ABCA9: variants seen among roughly 807,000 people sequenced by gnomAD.
ABCA9 encodes the protein ATP-binding cassette sub-family A member 9.
In ABCA9, 183 loss-of-function variants were observed where a neutral mutation model predicts 205.3. The observed-to-expected ratio is 0.89, with a 90% CI of 0.79 to 1.01. The LOEUF (loss-of-function observed/expected upper bound fraction) is 1.01, where lower values mean the gene tolerates loss of function less well. ABCA9 is among the 50% of genes least tolerant of loss of function. ABCA9 has a pLI of 0.00. For missense variants in ABCA9, 1,805 were observed against 1,912.4 expected, an observed-to-expected ratio of 0.94 and a Z score of 1.05; for synonymous variants, 651 against 683.3, an observed-to-expected ratio of 0.95 and a Z score of 0.74.
intron 3 of ABCA9, among the ~76,000 whole-genome samples, chr17:69,047,252 A>G (rs2071749089): frequency 1.3e-5 from 2 of 150,776 alleles, no homozygotes; most frequent in Admixed American, 6.7e-5. Context: ...AGCCTATACA[A>G]TATTTTAAAT....
Position 69,018,073 on chromosome 17 carries a change from A to G in ABCA9, c.2768-284T>C, listed in dbSNP as rs545004087. On this transcript the variant is annotated intron_variant, in intron 20 of 38. Transcript: ENST00000340001. The stretch of plus-strand genomic sequence containing the variant: ...CCTTGAAGCTATTAATAGTCTATCT[A>G]TCTTTTTAAATTTGAAACATTTTTT... The G allele has an allele frequency of 4.5e-5, 17 of 380,514 alleles. No homozygotes were observed. The South Asian group carries it at 1.0e-3, about 23-fold the overall frequency. 23.6% of individuals were successfully genotyped at this position (380,514 alleles called of 1,614,324 possible). A position where few individuals can be genotyped will look rare whatever the true frequency, so the allele number is the denominator to read the frequency against.
intron 3 of ABCA9, among the ~76,000 whole-genome samples, chr17:69,048,927 A>G (rs2071809702): frequency 6.6e-6 from 1 of 152,156 alleles, no homozygotes; most frequent in Admixed American, 6.6e-5. Flanking sequence ...AATATTGCCC[A>G]TGGGTTTTCA....
intron 37 of ABCA9, 115 bp from the exon 38 acceptor site, chr17:68,976,305 G>A: frequency 1.1e-6 from 1 of 875,150 alleles, no homozygotes; most frequent in Non-Finnish European, 1.8e-6. Flanking sequence ...AAGGTAATAA[G>A]TATTCTTAGA....
At chr17:68,986,690 C>T (rs1251040270) in intron 31 of ABCA9, 1 of 164,928 alleles carries the variant, frequency 6.1e-6, no homozygotes, top group Admixed American at 6.4e-5. Context: ...ATTTATCTTG[C>T]AATAAGGCAG....
At chr17:69,063,128 A>G (rs1273694834), upstream of ABCA9, among the ~76,000 whole-genome samples, 2 of 152,222 alleles carry the variant, frequency 1.3e-5, no homozygotes, top group African/African-American at 4.8e-5. Flanking sequence ...GACAATCTGT[A>G]GAGTCTATGA....
chr17:69,004,175 T>C (rs1426050766), intron 25 of ABCA9, among the ~76,000 whole-genome samples: 1 of 152,206 alleles, frequency 6.6e-6, no homozygotes, highest in African/African-American at 2.4e-5. Flanking sequence ...CTGCACTCCT[T>C]TGGAGGAGGA....
the ABCA9 span, among the ~76,000 whole-genome samples, chr17:69,067,405 A>T: frequency 6.6e-6 from 1 of 151,810 alleles, no homozygotes; most frequent in Non-Finnish European, 1.5e-5. Context: ...AAAATCAGCC[A>T]GGTGTGGTAG....
chr17:69,068,007 C>T, the ABCA9 span, among the ~76,000 whole-genome samples: 1 of 152,206 alleles, frequency 6.6e-6, no homozygotes, highest in African/African-American at 2.4e-5. Flanking sequence ...CCCCACTCCA[C>T]AATATCTGGG....
At chr17:69,062,772 C>T (rs913604115), upstream of ABCA9, among the ~76,000 whole-genome samples, 1 of 152,126 alleles carries the variant, frequency 6.6e-6, no homozygotes, top group East Asian at 1.9e-4. Flanking sequence ...CTTGGCCCCA[C>T]AAAGTGCTGG....
chr17:69,033,653 G>A (rs2071235624), intron 9 of ABCA9, 73 bp downstream of exon 9: 2 of 1,263,250 alleles, frequency 1.6e-6, no homozygotes, highest in Non-Finnish European at 1.1e-6. Flanking sequence ...TTTTTATTTA[G>A]TACATTGTAG....
chr17:68,992,119 G>T, intron 28 of ABCA9, 56 bp downstream of exon 28: 1 of 1,258,486 alleles, frequency 7.9e-7, no homozygotes, highest in African/African-American at 1.5e-5. Flanking sequence ...ACATTAAAAA[G>T]TCCTTAAAGA....
At chr17:69,038,562 A>G (rs1422548050) in intron 6 of ABCA9, among the ~76,000 whole-genome samples, 4 of 152,120 alleles carry the variant, frequency 2.6e-5, no homozygotes, top group African/African-American at 4.8e-5. Flanking sequence ...TTTATGCAAC[A>G]TATCTCAAAA....
rs755383775 is a variant in ABCA9 at position 68,990,852 on chromosome 17, C to T, written c.3822G>A (p.Val1274=). 30 of 1,613,060 alleles carry T rather than the reference C, an allele frequency of 1.9e-5. No homozygotes were observed. In the East Asian group the frequency reaches 5.6e-4, roughly 30 times the overall value. The change falls in exon 29 of 39, where the codon GTG becomes GTA. Residue 1274 remains valine, a synonymous_variant. Transcript: ENST00000340001. ...TGAGTTCTACCTCATCAAAGTCTCG[C>T]ACAGCCATAGCATTCACTGTTCTCA... ...ERMRTVNAMA[V]RDFDETPVII...
chr17:69,072,264 C>T, the ABCA9 span, among the ~76,000 whole-genome samples: 3 of 152,004 alleles, frequency 2.0e-5, no homozygotes, highest in East Asian at 3.9e-4. Flanking sequence ...AGATACTCTT[C>T]GAGAAGAGCA....
At chr17:69,014,083 T>TATA (rs1194220587) in intron 22 of ABCA9, among the ~76,000 whole-genome samples, 1 of 152,158 alleles carries the variant, frequency 6.6e-6, no homozygotes, top group Non-Finnish European at 1.5e-5. Context: ...CCTACTCAAA[T>TATA]ATAATAGATA....
At chr17:68,998,732 T>A (rs1205618632) in intron 25 of ABCA9, among the ~76,000 whole-genome samples, 2 of 152,090 alleles carry the variant, frequency 1.3e-5, no homozygotes, top group Non-Finnish European at 2.9e-5. Context: ...ATCTTAATCC[T>A]TTATTTATAT....
chr17:69,052,078 A>G (rs548333197), intron 1 of ABCA9, among the ~76,000 whole-genome samples: 2 of 152,324 alleles, frequency 1.3e-5, no homozygotes, highest in East Asian at 3.9e-4. Context: ...AGCTACCAAG[A>G]AAAAATTACA....
Position 69,050,898 on chromosome 17 carries a change from G to GA in ABCA9, c.96+132dup, listed in dbSNP as rs1555639742. On this transcript the variant is annotated intron_variant, in intron 2 of 38. Coordinates refer to ENST00000340001, the MANE Select transcript of ABCA9 (RefSeq NM_080283.4). ...GAACAAATAGCAAAGCCCAGAATTTGAAAAAAAATCTAGCTTGTTAATTAG... is the reference window on the plus strand; with the variant it reads ...GAACAAATAGCAAAGCCCAGAATTTGAAAAAAAAATCTAGCTTGTTAATTAG... 6.5e-5 allele frequency: 45 copies of GA among 697,472 alleles called. No individual in the cohort carries two copies. The Middle Eastern group carries it at 1.1e-3, about 17-fold the overall frequency. The allele number at this position is 697,472 out of a possible 1,614,324, so 43.2% of individuals were successfully genotyped here.
rs1329449652 is a variant in ABCA9 at position 69,024,335 on chromosome 17, C to A, written c.2160G>T (p.Arg720Ser). 7 of 1,589,256 alleles carry A rather than the reference C, an allele frequency of 4.4e-6. No individual in the cohort carries two copies. The highest frequency in any genetic ancestry group is 3.7e-5 in the Admixed American group (2 of 54,042). ...GTGATGTTATACTCTCTGGATCACA[C>A]CTTTCATTCAGATGCAAACTAACAT... The part of the protein sequence containing the change: ...GYHLSLHLNE[R>S]CDPESITSLV... The change falls in exon 17 of 39, where the codon AGG becomes AGT. Residue 720 changes from arginine to serine, a missense_variant. Coordinates refer to ENST00000340001, the MANE Select transcript of ABCA9 (RefSeq NM_080283.4).
Sources: allele counts gnomAD v4.1 joint callset (sites outside exome capture counted in the v4.1 genomes callset), GRCh38; gene constraint gnomAD v4.1.1; transcripts MANE v1.5; gene names NCBI Gene and HGNC (gene_info 2026-07-23, HGNC 2026-07-21).